The following NIBAN2 variants were observed in gnomAD, a reference collection of about 807,000 sequenced individuals.
NIBAN2 encodes the protein niban apoptosis regulator 2.
In NIBAN2, 36 loss-of-function variants were observed where a neutral mutation model predicts 81.8. The ratio of observed to expected loss-of-function variants is 0.44; its 90% confidence interval spans 0.34 to 0.58. The LOEUF (loss-of-function observed/expected upper bound fraction) is 0.58. Ranked by LOEUF, NIBAN2 falls within the 20% of genes least tolerant of loss-of-function variation. The pLI, the probability that NIBAN2 is intolerant of heterozygous loss-of-function variation, is 0.02. For synonymous variants in NIBAN2, 445 were observed against 441.6 expected (o/e 1.01, Z -0.10); for missense variants, 897 against 1,014.1 (o/e 0.88, Z 1.57).
rs768784904 is a variant in NIBAN2, at chr9:127,523,663, C to A, written c.589+16G>T. ...GCCCCTCCCTCCCACCGACCCTGCACCCACAGGCCACTCACCATTGTTGCA... is the reference window on the plus strand; with the variant it reads ...GCCCCTCCCTCCCACCGACCCTGCAACCACAGGCCACTCACCATTGTTGCA... On this transcript the variant is annotated intron_variant, in intron 5 of 13. Coordinates refer to ENST00000373312, the MANE Select transcript of NIBAN2 (RefSeq NM_022833.4). The A allele has an allele frequency of 6.2e-7, 1 of 1,602,602 alleles. No individual in the cohort carries two copies. The highest frequency in any genetic ancestry group is 2.2e-5 in the East Asian group (1 of 44,548).
chr9:127,511,026 C>T (rs1165675575), intron 8 of NIBAN2, among the ~76,000 whole-genome samples: 1 of 152,040 alleles, frequency 6.6e-6, no homozygotes, highest in African/African-American at 2.4e-5. Context: ...TCTCCCAACT[C>T]TCTCTTCCCA....
intron 3 of NIBAN2, among the ~76,000 whole-genome samples, chr9:127,526,406 A>AG (rs993074365): frequency 1.7e-4 from 26 of 151,268 alleles, no homozygotes; most frequent in African/African-American, 4.1e-4. Flanking sequence ...CTCAAAAAAA[A>AG]AAAAAAAAAG....
chr9:127,527,983 C>T (rs962714888), intron 2 of NIBAN2, among the ~76,000 whole-genome samples: 2 of 152,214 alleles, frequency 1.3e-5, no homozygotes, highest in South Asian at 4.1e-4. Context: ...ACATGGGCTG[C>T]AGAAACGCCC....
chr9:127,538,682 C>T (rs1467674734), intron 1 of NIBAN2, among the ~76,000 whole-genome samples: 2 of 147,186 alleles, frequency 1.4e-5, no homozygotes, highest in East Asian at 2.0e-4. Flanking sequence ...CAGTGGCTCA[C>T]GCCTGTAATC....
intron 2 of NIBAN2, among the ~76,000 whole-genome samples, chr9:127,528,003 T>C (rs1837109135): frequency 6.6e-6 from 1 of 152,218 alleles, no homozygotes; most frequent in Non-Finnish European, 1.5e-5. Context: ...CGGACCTTCC[T>C]ACAAAGCCCT....
In NIBAN2 at chr9:127,517,684, G is replaced by A. The variant is rs2255000; in HGVS notation, c.705+142C>T. On this transcript the variant is annotated intron_variant, in intron 6 of 13. Transcript: ENST00000373312. The surrounding 1 kb of genome is among the most constrained non-coding windows in gnomAD (Gnocchi z 4.0). ...GAGTATCTCCACGTGCACTGGCCCT[G>A]CACTTGTCCAAATCTAAGCATGTCA... 7.6e-6 allele frequency: 5 copies of A among 661,024 alleles called. No individual in the cohort carries two copies. The highest frequency in any genetic ancestry group is 7.2e-5 in the African/African-American group (4 of 55,752). 40.9% of individuals were successfully genotyped at this position (661,024 alleles called of 1,614,324 possible).
intron 1 of NIBAN2, among the ~76,000 whole-genome samples, chr9:127,575,872 A>G (rs1838003172): frequency 6.6e-6 from 1 of 152,054 alleles, no homozygotes; most frequent in Admixed American, 6.6e-5. Flanking sequence ...CCCACCAAGC[A>G]GCATTCAGCC....
intron 3 of NIBAN2, among the ~76,000 whole-genome samples, chr9:127,526,905 G>A (rs910924600): frequency 1.3e-5 from 2 of 151,832 alleles, no homozygotes; most frequent in Non-Finnish European, 2.9e-5. Context: ...CCAGCTGGAG[G>A]GACTGAAGAG....
chr9:127,531,490 GA>G (rs5900751), intron 2 of NIBAN2, among the ~76,000 whole-genome samples, 157 bp downstream of exon 2: 114,415 of 151,704 alleles, frequency 0.75, 43,891 homozygotes, highest in Middle Eastern at 0.85. Context: ...TCTCAAAAAA[GA>G]AAAAAATAAT....
intron 1 of NIBAN2, among the ~76,000 whole-genome samples, chr9:127,537,473 A>T (rs901840685): frequency 2.0e-5 from 3 of 152,254 alleles, no homozygotes; most frequent in Non-Finnish European, 4.4e-5. Flanking sequence ...CAAGAATCAC[A>T]AAATAATAAT....
In NIBAN2 at chr9:127,507,233, C is replaced by T. The variant is rs757157689; in HGVS notation, c.1853G>A (p.Arg618His). ...GACCACAGAGACCACCTGCTTGGCG[C>T]GCCGTCGCTTTTCCGAGAGGGTGGC... ...ESATLSEKRR[R>H]AKQVVSVVQD... Residue 618 changes from arginine to histidine, a missense_variant, in exon 14 of 14, where the codon CGC becomes CAC. Transcript: ENST00000373312. The surrounding 1 kb of genome is among the most constrained non-coding windows in gnomAD (Gnocchi z 6.8). The T allele has an allele frequency of 6.8e-6, 11 of 1,610,880 alleles. No homozygotes were observed. Among genetic ancestry groups the T allele is most frequent in the African/African-American group, 4.0e-5 (3 of 74,792 alleles).
At chr9:127,558,186 C>T (rs1030736725) in intron 1 of NIBAN2, among the ~76,000 whole-genome samples, 1 of 152,176 alleles carries the variant, frequency 6.6e-6, no homozygotes, top group Non-Finnish European at 1.5e-5. Context: ...CGGACACAGG[C>T]CCATCTGTGA....
chr9:127,554,137 C>T (rs1837625026), intron 1 of NIBAN2, among the ~76,000 whole-genome samples: 1 of 152,264 alleles, frequency 6.6e-6, no homozygotes, highest in African/African-American at 2.4e-5. Context: ...CTACCTAACA[C>T]AAATTTGTTG....
chr9:127,523,258 T>A (rs1387741278), intron 5 of NIBAN2, among the ~76,000 whole-genome samples: 379 of 60,446 alleles, frequency 6.3e-3, no homozygotes, highest in South Asian at 6.6e-3. Flanking sequence ...TATATAAAAT[T>A]AAAAAAAAAA....
exon 1 of NIBAN2, chr9:127,578,956 C>T: frequency 6.2e-7 from 1 of 1,608,180 alleles, no homozygotes; most frequent in South Asian, 1.1e-5. Flanking sequence ...GTGAGAGCCC[C>T]AAAAGGAAGG....
At chr9:127,527,584 A>G (rs1222666778) in intron 2 of NIBAN2, among the ~76,000 whole-genome samples, 1 of 152,164 alleles carries the variant, frequency 6.6e-6, no homozygotes, top group East Asian at 1.9e-4. Flanking sequence ...TGAACCCAGG[A>G]CAGGCACTGA....
intron 1 of NIBAN2, among the ~76,000 whole-genome samples, chr9:127,541,061 T>A (rs1239572891): frequency 6.6e-6 from 1 of 152,050 alleles, no homozygotes; most frequent in East Asian, 1.9e-4. Context: ...CACCCTACAG[T>A]CCAGGGACCA....
chr9:127,552,121 T>A (rs1247914632), intron 1 of NIBAN2, among the ~76,000 whole-genome samples: 2 of 151,256 alleles, frequency 1.3e-5, no homozygotes. Flanking sequence ...CAGACAGGGG[T>A]CCCCAAGAGG....
rs145055046 is a variant in NIBAN2, at chr9:127,554,698, C to T, written c.55+14122G>A. On this transcript the variant is annotated intron_variant, in intron 1 of 13. Coordinates refer to ENST00000373312, the MANE Select transcript of NIBAN2 (RefSeq NM_022833.4). ...GCCTCAGCCTCTCGAGTAGCTGGGA[C>T]CACAGGTGTGCAACCCCATGCCCGG... Among the ~76,000 whole-genome samples, 88 of 151,850 alleles carry T rather than the reference C, an allele frequency of 5.8e-4. 1 individual carries two copies. Among genetic ancestry groups the T allele is most frequent in the African/African-American group, 2.0e-3 (81 of 41,418 alleles).
Sources: allele counts gnomAD v4.1 joint callset (sites outside exome capture counted in the v4.1 genomes callset), GRCh38; gene constraint gnomAD v4.1.1; non-coding constraint Gnocchi (gnomAD v3.1); transcripts MANE v1.5; gene names NCBI Gene and HGNC (gene_info 2026-07-23, HGNC 2026-07-21).